Variants in FAM163A observed in about 807,000 individuals in gnomAD.
The protein encoded by FAM163A is protein FAM163A.
FAM163A carries 7 observed loss-of-function variants against 12.0 expected under a neutral mutation model. The ratio of observed to expected loss-of-function variants is 0.58; its 90% CI spans 0.33 to 1.10. FAM163A has a LOEUF of 1.10. FAM163A is among the 50% of genes least tolerant of loss of function. FAM163A has a pLI of 0.03. For synonymous variants in FAM163A, 101 were observed against 91.0 expected, an observed-to-expected ratio of 1.11 and a Z score of -0.62; for missense variants, 202 against 218.6, an observed-to-expected ratio of 0.92 and a Z score of 0.48.
intron 1 of FAM163A, among the ~76,000 whole-genome samples, chr1:179,793,822 C>G (rs1267384886): frequency 6.6e-6 from 1 of 152,216 alleles, no homozygotes; most frequent in East Asian, 1.9e-4. Context: ...GGGCATTTGG[C>G]CAGGTTGCAG....
intron 1 of FAM163A, among the ~76,000 whole-genome samples, chr1:179,771,877 C>T (rs1374062369): frequency 3.9e-5 from 6 of 152,146 alleles, no homozygotes; most frequent in African/African-American, 1.4e-4. Flanking sequence ...GGCTCCCTGG[C>T]ACCCCTCAGC....
chr1:179,749,009 G>A (rs1027466143), intron 1 of FAM163A, among the ~76,000 whole-genome samples: 1 of 152,192 alleles, frequency 6.6e-6, no homozygotes, highest in African/African-American at 2.4e-5. Context: ...ATTGACAACA[G>A]GCATGTGAAA....
Position 179,804,816 on chromosome 1 carries a change from G to A in FAM163A, c.-135-2982G>A, listed in dbSNP as rs560661949. 1.7e-4 allele frequency among the ~76,000 whole-genome samples: 26 copies of A among 152,302 alleles called. No homozygotes were observed. In the South Asian group the frequency reaches 3.7e-3, roughly 22 times the overall value. ...TGGGGCCTAATTAAGGGTGGAGGGT[G>A]AGAGGAGGGAGGGGACAGAAAAAAA... On this transcript the variant is annotated intron_variant, in intron 1 of 4. Coordinates refer to ENST00000341785, the MANE Select transcript of FAM163A (RefSeq NM_173509.3).
At chr1:179,785,418 G>A (rs373250927) in intron 1 of FAM163A, among the ~76,000 whole-genome samples, 1 of 152,100 alleles carries the variant, frequency 6.6e-6, no homozygotes, top group Non-Finnish European at 1.5e-5. Context: ...ACATGAAGAC[G>A]GAGATCAAAA....
At chr1:179,735,495 C>CTTTTT in the FAM163A span, among the ~76,000 whole-genome samples, 1,099 of 62,182 alleles carry the variant, frequency 0.018, 274 homozygotes, top group Admixed American at 0.057. Flanking sequence ...GAGTTACATT[C>CTTTTT]TTTTTTTTTT....
intron 1 of FAM163A, among the ~76,000 whole-genome samples, chr1:179,780,523 G>T (rs1342451166): frequency 6.6e-6 from 1 of 152,194 alleles, no homozygotes; most frequent in Non-Finnish European, 1.5e-5. Flanking sequence ...ATATGCCAGT[G>T]GTTCTCGAAG....
chr1:179,739,285 T>C (rs769621067), upstream of FAM163A, among the ~76,000 whole-genome samples: 2 of 152,114 alleles, frequency 1.3e-5, no homozygotes, highest in Non-Finnish European at 2.9e-5. Context: ...ACCAACAACA[T>C]GCTCCATAAT....
At chr1:179,784,576 A>G (rs1223285540) in intron 1 of FAM163A, among the ~76,000 whole-genome samples, 2 of 152,194 alleles carry the variant, frequency 1.3e-5, no homozygotes, top group South Asian at 2.1e-4. Flanking sequence ...ATTGCCCTAT[A>G]TACATACACA....
chr1:179,807,345 A>T (rs936171398), intron 1 of FAM163A, among the ~76,000 whole-genome samples: 3 of 152,100 alleles, frequency 2.0e-5, no homozygotes, highest in Non-Finnish European at 4.4e-5. Flanking sequence ...GGGCACTGGG[A>T]AAAATAGGCC....
chr1:179,750,909 T>G (rs117760942), intron 1 of FAM163A, among the ~76,000 whole-genome samples: 1 of 151,972 alleles, frequency 6.6e-6, no homozygotes, highest in Non-Finnish European at 1.5e-5. Flanking sequence ...TTCGAGATGG[T>G]AAAATGGAGA....
In FAM163A at chr1:179,814,716, G is replaced by A; in HGVS notation, c.*527G>A. 1 of 156,716 alleles carries A rather than the reference G, an allele frequency of 6.4e-6. No individual in the cohort carries two copies. The highest frequency in any genetic ancestry group is 1.4e-5 in the Non-Finnish European group (1 of 70,768). 9.7% of individuals were successfully genotyped at this position (156,716 alleles called of 1,614,324 possible). ...CGCGCTTGCTGAAACGACTCCAACA[G>A]CTAGTTCACAGCCCAGCTTTGTACG... On this transcript the variant is annotated 3_prime_UTR_variant, in exon 5 of 5. Transcript: ENST00000341785.
At chr1:179,804,653 G>A (rs1390836900) in intron 1 of FAM163A, among the ~76,000 whole-genome samples, 3 of 152,196 alleles carry the variant, frequency 2.0e-5, no homozygotes, top group East Asian at 1.9e-4. Flanking sequence ...TGTCTTTTGC[G>A]GGAACATGGA....
chr1:179,743,499 C>CCGGGCT (rs1683946605), intron 1 of FAM163A, 76 bp downstream of exon 1: 1 of 152,336 alleles, frequency 6.6e-6, no homozygotes, highest in Non-Finnish European at 1.5e-5. Context: ...TGAGGAGCCG[C>CCGGGCT]CGGGCTCGGG....
intron 1 of FAM163A, among the ~76,000 whole-genome samples, chr1:179,771,390 G>C (rs1688266426): frequency 6.6e-6 from 1 of 152,170 alleles, no homozygotes; most frequent in Non-Finnish European, 1.5e-5. Flanking sequence ...GGCGCCCTGT[G>C]AGAGCTGCTG....
upstream of FAM163A, among the ~76,000 whole-genome samples, chr1:179,741,342 T>C (rs1418113688): frequency 6.6e-6 from 1 of 152,264 alleles, no homozygotes; most frequent in Non-Finnish European, 1.5e-5. Context: ...GATGGGAGTC[T>C]AAATTTTGTG....
chr1:179,757,299 G>A (rs1352019530), intron 1 of FAM163A, among the ~76,000 whole-genome samples: 3 of 152,180 alleles, frequency 2.0e-5, no homozygotes, highest in Non-Finnish European at 4.4e-5. Flanking sequence ...TAAGTGGAAC[G>A]TGGTCTGAAA....
Position 179,798,976 on chromosome 1 carries a change from A to T in FAM163A, c.-135-8822A>T, listed in dbSNP as rs562755329. On this transcript the variant is annotated intron_variant, in intron 1 of 4. Coordinates refer to ENST00000341785, the MANE Select transcript of FAM163A (RefSeq NM_173509.3). ...TCTGGGCTCCATGGCCAGTCTTTAC[A>T]GCTAGCTCCCTCTGGCCCTCTTGTC... Among the ~76,000 whole-genome samples, 24 of 152,212 alleles carry T rather than the reference A, an allele frequency of 1.6e-4. 1 individual carries two copies. The South Asian group carries it at 5.0e-3, about 32-fold the overall frequency.
At chr1:179,811,190 G>T (rs936953270) in intron 2 of FAM163A, among the ~76,000 whole-genome samples, 3 of 152,168 alleles carry the variant, frequency 2.0e-5, no homozygotes, top group Admixed American at 2.0e-4. Context: ...AAGTTTATGG[G>T]CAGATAAATG....
intron 1 of FAM163A, among the ~76,000 whole-genome samples, chr1:179,744,412 C>CGGCCT (rs1451818539): frequency 6.6e-6 from 1 of 152,084 alleles, no homozygotes; most frequent in Non-Finnish European, 1.5e-5. Flanking sequence ...CCCCGCCACC[C>CGGCCT]GGCCTGGCCT....
Sources: gnomAD v4.1 joint callset for allele counts (sites outside exome capture counted in the v4.1 genomes callset) on GRCh38, gnomAD v4.1.1 for gene constraint, MANE v1.5 for transcripts, NCBI Gene and HGNC (gene_info 2026-07-23, HGNC 2026-07-21) for gene names.